Variants in TLE1 observed in about 807,000 individuals in gnomAD.
The protein encoded by TLE1 is TLE family member 1, transcriptional corepressor.
In TLE1, 21 loss-of-function variants were observed where a neutral mutation model predicts 89.8. The observed-to-expected ratio is 0.23, with a 90% CI of 0.17 to 0.34. The LOEUF is 0.34. Ranked by LOEUF, TLE1 falls within the 10% of genes least tolerant of loss-of-function variation. The pLI, the probability that TLE1 is intolerant of heterozygous loss-of-function variation, is 1.00. For synonymous variants in TLE1, 447 were observed against 407.6 expected (o/e 1.10, Z -1.16); for missense variants, 795 against 1,031.2 (o/e 0.77, Z 3.14).
chr9:81,586,646 G>A (rs1424118104), intron 17 of TLE1, among the ~76,000 whole-genome samples: 1 of 152,180 alleles, frequency 6.6e-6, no homozygotes, highest in Non-Finnish European at 1.5e-5. Context: ...GTCTGGGGGT[G>A]GGAACGAGAG....
chr9:81,620,811 G>C lies in TLE1; in HGVS notation c.595-254C>G, dbSNP rs188212541. On this transcript the variant is annotated intron_variant, in intron 8 of 19. Coordinates refer to ENST00000376499, the MANE Select transcript of TLE1 (RefSeq NM_005077.5). ...CAGGCCTCCTTGGAAATGTGCTTCT[G>C]TCCTATTTACTGTTTGAGAAATAGG... 2.4e-6 allele frequency: 3 copies of C among 1,251,138 alleles called. No homozygotes were observed. The African/African-American group carries it at 4.5e-5, about 19-fold the overall frequency. 77.5% of individuals were successfully genotyped at this position (1,251,138 alleles called of 1,614,324 possible).
Position 81,611,777 on chromosome 9 carries a change from A to G in TLE1, c.1246T>C (p.Ser416Pro), listed in dbSNP as rs1823743954. 6.5e-7 allele frequency: 1 copy of G among 1,530,704 alleles called. No homozygotes were observed. Among genetic ancestry groups the G allele is most frequent in the Non-Finnish European group, 8.7e-7 (1 of 1,147,718 alleles). 94.8% of individuals were successfully genotyped at this position (1,530,704 alleles called of 1,614,324 possible). ...AAAAVVAYGR[S>P]PMVGFDPPPH... is the part of the protein sequence containing the mutation. ...ACCCGACAGCGGCCTACCATGGGGG[A>G]GCGCCCGTAGGCCACCACGGCGGCC... Residue 416 changes from serine (S) to proline (P), a missense_variant, in exon 13 of 20, where the codon TCC becomes CCC. Around this residue, in one of 4 missense-constraint regions of TLE1, gnomAD observed 468 missense variants for 509.1 expected, o/e 0.92. Coordinates refer to ENST00000376499, the MANE Select transcript of TLE1 (RefSeq NM_005077.5).
intron 6 of TLE1, among the ~76,000 whole-genome samples, chr9:81,636,604 C>T (rs1381133883): frequency 6.6e-6 from 1 of 152,110 alleles, no homozygotes; most frequent in Non-Finnish European, 1.5e-5. Flanking sequence ...CTCCCTGCTT[C>T]CCCCACTCCC....
chr9:81,674,700 G>A (rs114222506), intron 4 of TLE1, among the ~76,000 whole-genome samples: 2,058 of 152,298 alleles, frequency 0.014, 62 homozygotes, highest in African/African-American at 0.047. Flanking sequence ...TGTAAGGGGA[G>A]TCCAGCTTTT....
chr9:81,624,808 T>C (rs185705994), intron 8 of TLE1, among the ~76,000 whole-genome samples: 210 of 152,314 alleles, frequency 1.4e-3, no homozygotes, highest in African/African-American at 4.4e-3. Flanking sequence ...AAAATCACCT[T>C]ATTTACATCT....
At chr9:81,615,779 A>G (rs934101028) in intron 11 of TLE1, among the ~76,000 whole-genome samples, 3 of 152,048 alleles carry the variant, frequency 2.0e-5, no homozygotes, top group Non-Finnish European at 4.4e-5. Flanking sequence ...TACACCCTCT[A>G]ATCATGGCCG....
chr9:81,632,871 C>T (rs1038835851), intron 8 of TLE1, among the ~76,000 whole-genome samples: 8 of 152,176 alleles, frequency 5.3e-5, no homozygotes, highest in African/African-American at 1.7e-4. Flanking sequence ...AACCAAGATG[C>T]ATTCACAGAG....
intron 4 of TLE1, among the ~76,000 whole-genome samples, chr9:81,673,873 A>AG (rs1336851624): frequency 1.3e-5 from 2 of 152,142 alleles, no homozygotes. Flanking sequence ...GTGAGAATGG[A>AG]GTGTGTACCT....
chr9:81,620,663 C>A (rs1825121566), intron 8 of TLE1, 106 bp from the exon 9 acceptor site: 1 of 1,509,190 alleles, frequency 6.6e-7, no homozygotes, highest in Non-Finnish European at 8.8e-7. Flanking sequence ...ACCTACACAG[C>A]CTTTCATTCC....
rs755374213 is a variant in TLE1 at position 81,587,712 on chromosome 9, C to T, written c.1946G>A (p.Arg649Gln). The change falls in exon 17 of 20, where the codon CGG (arginine) becomes CAG (glutamine). Residue 649 changes from arginine (R) to glutamine (Q), a missense_variant. Arg to Gln is a conservative substitution (Grantham distance 43). This residue lies in a region of TLE1 where 214 missense variants were observed against 354.9 expected (regional missense o/e 0.60). Transcript: ENST00000376499. ...GGTGAAGTCGTGCTGCTGCAGCTGC[C>T]GCCCCTCGCGCAGGTCCCAGGACCT... Reference protein sequence around the residue: ...TVRSWDLREGRQLQQHDFTSQ... With the variant: ...TVRSWDLREGQQLQQHDFTSQ... 24 of 1,613,308 alleles carry T rather than the reference C, an allele frequency of 1.5e-5. No homozygotes were observed. The highest frequency in any genetic ancestry group is 1.6e-4 in the Middle Eastern group (1 of 6,076).
intron 14 of TLE1, among the ~76,000 whole-genome samples, chr9:81,606,785 AAC>A (rs1442296955): frequency 8.0e-5 from 12 of 150,360 alleles, no homozygotes; most frequent in African/African-American, 2.2e-4. Context: ...TTAAAAAAAA[AAC>A]CATATATATA....
At chr9:81,625,390 A>G (rs1825778545) in intron 8 of TLE1, among the ~76,000 whole-genome samples, 1 of 152,218 alleles carries the variant, frequency 6.6e-6, no homozygotes, top group South Asian at 2.1e-4. Context: ...GCCTGTGTGC[A>G]TTCTGAGACA....
Position 81,592,960 on chromosome 9 carries a change from C to A in TLE1, c.1581+65G>T. Reference sequence around the variant, plus strand: ...AATGGGAATAAAACCCAGGCCCACACAGCTATTTCCTTATTGAATCTCCAG... The same window carrying A: ...AATGGGAATAAAACCCAGGCCCACAAAGCTATTTCCTTATTGAATCTCCAG... On this transcript the variant is annotated intron_variant, in intron 15 of 19. Transcript: ENST00000376499. The A allele has an allele frequency of 1.9e-6, 3 of 1,560,254 alleles. No homozygotes were observed. In the East Asian group the frequency reaches 6.8e-5, roughly 35 times the overall value.
rs577468689 is a variant in TLE1 at position 81,677,754 on chromosome 9, G to GC, written c.234+7921dup. On this transcript the variant is annotated intron_variant, in intron 4 of 19. Transcript: ENST00000376499. ...TTGACAAACTGCAAGATTTGGACGC[G>GC]CAAGTTCAAACACACCTACATTCTC... Among the ~76,000 whole-genome samples, 6 of 152,080 alleles carry GC rather than the reference G, an allele frequency of 3.9e-5. No individual in the cohort carries two copies. In the South Asian group the frequency reaches 1.0e-3, roughly 26 times the overall value.
chr9:81,655,706 A>G (rs540974322), intron 4 of TLE1, among the ~76,000 whole-genome samples: 54 of 152,130 alleles, frequency 3.5e-4, no homozygotes, highest in Non-Finnish European at 6.5e-4. Flanking sequence ...TCACAAGAAA[A>G]AAACTTAAAA....
At chr9:81,685,573 T>TA in intron 4 of TLE1, 103 bp downstream of exon 4, 1 of 1,188,320 alleles carries the variant, frequency 8.4e-7, no homozygotes, top group East Asian at 2.4e-5. Context: ...AAAAATAGCA[T>TA]ACAAACCCCC....
At chr9:81,659,376 G>C (rs572526043) in intron 4 of TLE1, among the ~76,000 whole-genome samples, 139 of 152,098 alleles carry the variant, frequency 9.1e-4, no homozygotes, top group Non-Finnish European at 1.8e-3. Flanking sequence ...CCTACCCAAT[G>C]ATGAATACCT....
intron 6 of TLE1, among the ~76,000 whole-genome samples, chr9:81,645,533 G>A (rs980952821): frequency 7.2e-5 from 11 of 151,924 alleles, no homozygotes; most frequent in Admixed American, 3.3e-4. Context: ...CTGAGGTCAG[G>A]AGCTCCAGAT....
chr9:81,657,508 G>T (rs1480485005), intron 4 of TLE1, among the ~76,000 whole-genome samples: 2 of 152,118 alleles, frequency 1.3e-5, no homozygotes, highest in Admixed American at 1.3e-4. Context: ...TTACTACCTA[G>T]AATGGCATCA....
Sources: gnomAD v4.1 joint callset for allele counts (sites outside exome capture counted in the v4.1 genomes callset) on GRCh38, gnomAD v4.1.1 for gene constraint, gnomAD v4.1.1 regional missense constraint, MANE v1.5 for transcripts, NCBI Gene and HGNC (gene_info 2026-07-23, HGNC 2026-07-21) for gene names.